KCTD16: variants seen among roughly 807,000 people sequenced by gnomAD.
The protein encoded by KCTD16 is BTB/POZ domain-containing protein KCTD16.
Under a neutral mutation model 33.2 loss-of-function variants are expected in KCTD16, and 13 were observed. The observed-to-expected ratio is 0.39, with a 90% CI of 0.25 to 0.62. The LOEUF (loss-of-function observed/expected upper bound fraction) is 0.62, where lower values mean the gene tolerates loss of function less well. Among genes scored for constraint, KCTD16 ranks in the 20% least tolerant of loss-of-function variants. KCTD16 has a pLI of 0.50. For missense variants in KCTD16, 441 were observed against 525.1 expected (o/e 0.84, Z 1.57); for synonymous variants, 197 against 195.3 (o/e 1.01, Z -0.07).
chr5:144,221,955 C>T (rs1753770431), intron 3 of KCTD16, among the ~76,000 whole-genome samples: 2 of 152,180 alleles, frequency 1.3e-5, no homozygotes, highest in East Asian at 3.8e-4. Flanking sequence ...TAATGATTGC[C>T]ATTCTAACTG....
At chr5:144,290,164 G>A (rs942705493) in intron 3 of KCTD16, among the ~76,000 whole-genome samples, 5 of 152,010 alleles carry the variant, frequency 3.3e-5, no homozygotes, top group African/African-American at 9.7e-5. Flanking sequence ...GCAAGGAGGC[G>A]CATGTCTGTA....
At chr5:144,304,977 C>CTTTTTTTTTTTTTT (rs146638360) in intron 3 of KCTD16, among the ~76,000 whole-genome samples, 4 of 83,412 alleles carry the variant, frequency 4.8e-5, no homozygotes, top group Non-Finnish European at 8.6e-5. Context: ...ATATCAAAAT[C>CTTTTTTTTTTTTTT]TTTTTTTTTT....
At chr5:144,344,529 CA>C (rs1234433632) in intron 3 of KCTD16, among the ~76,000 whole-genome samples, 21 of 151,764 alleles carry the variant, frequency 1.4e-4, no homozygotes, top group Non-Finnish European at 3.1e-4. Context: ...ACAACCCCAT[CA>C]AAAAGTGGGC....
At chr5:144,425,534 C>G (rs1387747012) in intron 3 of KCTD16, among the ~76,000 whole-genome samples, 2 of 151,938 alleles carry the variant, frequency 1.3e-5, no homozygotes, top group Non-Finnish European at 2.9e-5. Context: ...CTTCCTGGAC[C>G]TCTAAGGAAT....
Position 144,180,451 on chromosome 5 carries a change from C to T in KCTD16, c.-327+5979C>T, listed in dbSNP as rs562958535. The stretch of plus-strand genomic sequence containing the variant: ...TTATCTGTTGCCTTGTAAAGAAAAA[C>T]AAACAAACAAACAAAAAACTCCAAG... On this transcript the variant is annotated intron_variant, in intron 2 of 3. Transcript: ENST00000512467. Among the ~76,000 whole-genome samples, 67 of 152,058 alleles carry T rather than the reference C, an allele frequency of 4.4e-4. No individual in the cohort carries two copies. In the South Asian group the frequency reaches 0.013, roughly 31 times the overall value.
intron 3 of KCTD16, among the ~76,000 whole-genome samples, chr5:144,348,152 T>C (rs889085556): frequency 5.3e-5 from 8 of 152,182 alleles, no homozygotes; most frequent in African/African-American, 1.4e-4. Context: ...CCAATTTGTG[T>C]CCTCTCATTT....
intron 1 of KCTD16, among the ~76,000 whole-genome samples, chr5:144,171,598 T>C (rs541657308): frequency 1.3e-5 from 2 of 152,232 alleles, no homozygotes; most frequent in Admixed American, 1.3e-4. Flanking sequence ...CACCACCAAG[T>C]TGTGACAGCT....
intron 3 of KCTD16, among the ~76,000 whole-genome samples, chr5:144,388,497 A>G (rs981374788): frequency 6.6e-6 from 1 of 152,150 alleles, no homozygotes; most frequent in Non-Finnish European, 1.5e-5. Context: ...CTGTTCATGA[A>G]CTTTTATCTT....
chr5:144,278,514 G>A (rs1256104856), intron 3 of KCTD16, among the ~76,000 whole-genome samples: 3 of 114,754 alleles, frequency 2.6e-5, no homozygotes, highest in East Asian at 2.4e-4. Context: ...TTTTTGAGAC[G>A]GAGTCTCGCT....
intron 3 of KCTD16, among the ~76,000 whole-genome samples, chr5:144,339,876 T>C (rs183867407): frequency 1.3e-5 from 2 of 152,342 alleles, no homozygotes; most frequent in East Asian, 3.9e-4. Flanking sequence ...CAGGCTGCAA[T>C]GGACATATCC....
rs1233135749 is a variant in KCTD16, at chr5:144,299,114, A to T, written c.832+91568A>T. ...TCACTATGTATATATATATATATAT[A>T]TATATATATATATATATATATATAT... is the stretch of plus-strand genomic sequence containing the variant. On this transcript the variant is annotated intron_variant, in intron 3 of 3. Transcript: ENST00000512467. Among the ~76,000 whole-genome samples the T allele has an allele frequency of 1.6e-3, 24 of 14,658 alleles. 1 individual carries two copies. Among genetic ancestry groups the T allele is most frequent in the African/African-American group, 4.9e-3 (7 of 1,442 alleles). The allele number at this position is 14,658 out of a possible 152,430, so 9.6% of individuals were successfully genotyped here. A position where few individuals can be genotyped will look rare whatever the true frequency, so the allele number is the denominator to read the frequency against.
chr5:144,253,505 T>G lies in KCTD16; in HGVS notation c.832+45959T>G, dbSNP rs139937221. On this transcript the variant is annotated intron_variant, in intron 3 of 3. Transcript: ENST00000512467. ...TCTCACCAAGCTGATAGCTTATTTA[T>G]CAAACATATTCCTTCTTCAAATATA... 9.0e-3 allele frequency among the ~76,000 whole-genome samples: 1,369 copies of G among 152,368 alleles called. 9 individuals carry two copies. The highest frequency in any genetic ancestry group is 0.015 in the Non-Finnish European group (1,037 of 68,024).
intron 3 of KCTD16, among the ~76,000 whole-genome samples, chr5:144,473,018 T>G (rs1400758311): frequency 1.3e-5 from 2 of 152,210 alleles, no homozygotes; most frequent in African/African-American, 4.8e-5. Context: ...CTTAGTTTCC[T>G]TGTATGGAGA....
chr5:144,239,632 G>A (rs938133996), intron 3 of KCTD16, among the ~76,000 whole-genome samples: 1 of 151,992 alleles, frequency 6.6e-6, no homozygotes, highest in Non-Finnish European at 1.5e-5. Context: ...ATAAACTACC[G>A]TGACTTTTCA....
intron 3 of KCTD16, among the ~76,000 whole-genome samples, chr5:144,383,772 C>T (rs1172915454): frequency 1.3e-5 from 2 of 152,038 alleles, no homozygotes; most frequent in African/African-American, 2.4e-5. Context: ...TTATCATGAC[C>T]AGCCATAGGC....
chr5:144,287,698 G>C (rs183639534), intron 3 of KCTD16, among the ~76,000 whole-genome samples: 1 of 152,022 alleles, frequency 6.6e-6, no homozygotes, highest in Admixed American at 6.5e-5. Context: ...GTACAGTGGC[G>C]TAATATCAGC....
intron 3 of KCTD16, among the ~76,000 whole-genome samples, chr5:144,420,157 C>T (rs1160457398): frequency 2.6e-5 from 4 of 152,066 alleles, no homozygotes; most frequent in African/African-American, 7.2e-5. Flanking sequence ...TCAATCTCAG[C>T]GTTATTTTTG....
chr5:144,221,337 A>G (rs1254133222), intron 3 of KCTD16, among the ~76,000 whole-genome samples: 1 of 152,142 alleles, frequency 6.6e-6, no homozygotes, highest in Non-Finnish European at 1.5e-5. Flanking sequence ...TTACATAGGT[A>G]TACACATGCC....
chr5:144,373,911 C>T (rs760764484), intron 3 of KCTD16, among the ~76,000 whole-genome samples: 3 of 152,218 alleles, frequency 2.0e-5, no homozygotes, highest in Non-Finnish European at 4.4e-5. Context: ...TGGCTTAAAA[C>T]AGCACAAATG....
Sources: gnomAD v4.1 joint callset for allele counts (sites outside exome capture counted in the v4.1 genomes callset) on GRCh38, gnomAD v4.1.1 for gene constraint, MANE v1.5 for transcripts, NCBI Gene and HGNC (gene_info 2026-07-23, HGNC 2026-07-21) for gene names.